The following ALKBH5 variants were observed in gnomAD, a reference collection of about 807,000 sequenced individuals.
The protein encoded by ALKBH5 is alkB homolog 5, RNA demethylase.
In ALKBH5, 2 loss-of-function variants were observed where a neutral mutation model predicts 32.1. That is an observed-to-expected ratio of 0.06 (90% CI 0.03 to 0.20). The LOEUF is 0.20. Among genes scored for constraint, ALKBH5 ranks in the 10% least tolerant of loss-of-function variants. The probability of loss-of-function intolerance (pLI) is 1.00; values close to 1 mark genes in which losing one functional copy is unlikely to be tolerated. For synonymous variants in ALKBH5, 300 were observed against 231.7 expected, an observed-to-expected ratio of 1.29 and a Z score of -2.68; for missense variants, 352 against 559.5, an observed-to-expected ratio of 0.63 and a Z score of 3.74.
Position 18,195,041 on chromosome 17 carries a change from T to C in ALKBH5, c.851+6T>C, listed in dbSNP as rs1280743978. ...GCAGTCATCATCCTCAGGAAGTAAGTGCCTTGATGTCTGACCTTCTGCCTC... is the reference window on the plus strand; with the variant it reads ...GCAGTCATCATCCTCAGGAAGTAAGCGCCTTGATGTCTGACCTTCTGCCTC... On this transcript the variant is annotated splice_donor_region_variant and intron_variant, in intron 2 of 3. Coordinates refer to ENST00000399138, the MANE Select transcript of ALKBH5 (RefSeq NM_017758.4). The C allele has an allele frequency of 1.2e-6, 2 of 1,612,314 alleles. No individual in the cohort carries two copies. Among genetic ancestry groups the C allele is most frequent in the Admixed American group, 1.7e-5 (1 of 59,974 alleles).
Position 18,208,294 on chromosome 17 carries a change from C to T in ALKBH5, c.1083C>T (p.Ser361=). 6.2e-7 allele frequency: 1 copy of T among 1,614,132 alleles called. No individual in the cohort carries two copies. Among genetic ancestry groups the T allele is most frequent in the African/African-American group, 1.3e-5 (1 of 75,038 alleles). The change falls in exon 4 of 4, where the codon AGC becomes AGT. Residue 361 remains serine (S), a synonymous_variant. Coordinates refer to ENST00000399138, the MANE Select transcript of ALKBH5 (RefSeq NM_017758.4). ...TGCCCACACACCGGCGGAGGGGTAG[C>T]TTCAGCTCTGAGAACTACTGGCGCA... ...VLLPTHRRRG[S]FSSENYWRKS...
In ALKBH5 at chr17:18,185,108, T is replaced by C. The variant is rs558960178; in HGVS notation, c.770+95T>C. 1.1e-5 allele frequency: 16 copies of C among 1,519,302 alleles called. No individual in the cohort carries two copies. In the East Asian group the frequency reaches 3.6e-4, roughly 34 times the overall value. 94.1% of individuals were successfully genotyped at this position (1,519,302 alleles called of 1,614,324 possible). A position where few individuals can be genotyped will look rare whatever the true frequency, so the allele number is the denominator to read the frequency against. On this transcript the variant is annotated intron_variant, in intron 1 of 3. Transcript: ENST00000399138. ...AGCAGCCCGTAGGAGTCTGCGTTTT[T>C]TACAGTTCTGACCAGTTCTTCTGTT...
At chr17:18,188,898 C>A (rs1243811746) in intron 1 of ALKBH5, among the ~76,000 whole-genome samples, 3 of 152,102 alleles carry the variant, frequency 2.0e-5, no homozygotes, top group African/African-American at 7.2e-5. Context: ...AAAACCCCAT[C>A]TCTACTAAAA....
intron 2 of ALKBH5, among the ~76,000 whole-genome samples, chr17:18,200,911 G>T (rs2047232661): frequency 6.6e-6 from 1 of 152,342 alleles, no homozygotes; most frequent in Non-Finnish European, 1.5e-5. Flanking sequence ...TGTTAAGCGC[G>T]CTGGGGAGCC....
At chr17:18,192,634 A>T (rs1490056884) in intron 1 of ALKBH5, among the ~76,000 whole-genome samples, 1 of 152,220 alleles carries the variant, frequency 6.6e-6, no homozygotes, top group Non-Finnish European at 1.5e-5. Context: ...ATTTGAACCC[A>T]GGTCTCTTCA....
chr17:18,185,690 C>T (rs1037335576), intron 1 of ALKBH5, among the ~76,000 whole-genome samples: 8 of 152,194 alleles, frequency 5.3e-5, no homozygotes, highest in Non-Finnish European at 8.8e-5. Context: ...CAGCTGGTCT[C>T]TTGACTGTTT....
intron 1 of ALKBH5, among the ~76,000 whole-genome samples, chr17:18,189,093 C>A (rs985709708): frequency 2.6e-5 from 4 of 151,400 alleles, no homozygotes; most frequent in Admixed American, 6.6e-5. Flanking sequence ...AAAAAAATTT[C>A]AAGGCCGGGC....
chr17:18,197,807 G>A (rs2047212924), intron 2 of ALKBH5, among the ~76,000 whole-genome samples: 1 of 152,208 alleles, frequency 6.6e-6, no homozygotes. Context: ...ACTTCAGTGG[G>A]CCCAGGAACC....
intron 2 of ALKBH5, among the ~76,000 whole-genome samples, chr17:18,203,777 G>A (rs190282083): frequency 6.6e-6 from 1 of 152,334 alleles, no homozygotes; most frequent in Admixed American, 6.5e-5. Flanking sequence ...CTGCAGCTTG[G>A]TGAATTTTTG....
chr17:18,185,302 T>G lies in ALKBH5; in HGVS notation c.770+289T>G, dbSNP rs528205911. ...TTCAGAAGGCTGTTCCCTTTGATTT[T>G]TTTTTTTCCCACCATCCATTTCTTA... On this transcript the variant is annotated intron_variant, in intron 1 of 3. Transcript: ENST00000399138. Among the ~76,000 whole-genome samples, 28 of 152,326 alleles carry G rather than the reference T, an allele frequency of 1.8e-4. No individual in the cohort carries two copies. In the South Asian group the frequency reaches 2.7e-3, roughly 15 times the overall value.
intron 2 of ALKBH5, among the ~76,000 whole-genome samples, chr17:18,204,870 G>A (rs546961881): frequency 2.0e-5 from 3 of 152,154 alleles, no homozygotes; most frequent in Admixed American, 2.0e-4. Context: ...GACCAGCCTA[G>A]GCAAAATGGT....
intron 1 of ALKBH5, 123 bp downstream of exon 1, chr17:18,185,136 T>G: frequency 6.8e-7 from 1 of 1,465,998 alleles, no homozygotes; most frequent in Non-Finnish European, 9.1e-7. Context: ...CTTCTGTTTG[T>G]AGATTGTAGG....
At chr17:18,207,883 TA>T (rs1385798100) in intron 3 of ALKBH5, among the ~76,000 whole-genome samples, 1 of 151,690 alleles carries the variant, frequency 6.6e-6, no homozygotes, top group African/African-American at 2.4e-5. Flanking sequence ...AGAAAGTGGG[TA>T]GAGCTGGGAA....
At chr17:18,208,078 C>A in intron 3 of ALKBH5, 141 bp from the exon 4 acceptor site, 1 of 853,486 alleles carries the variant, frequency 1.2e-6, no homozygotes, top group Non-Finnish European at 1.8e-6. Context: ...CCTCCGATAC[C>A]AGGGCCTCTG....
At chr17:18,196,554 A>G (rs573490353) in intron 2 of ALKBH5, among the ~76,000 whole-genome samples, 5 of 152,306 alleles carry the variant, frequency 3.3e-5, no homozygotes, top group African/African-American at 1.2e-4. Flanking sequence ...CTGGTTAGGT[A>G]TTGTATAGAA....
At position 18,184,207 on chromosome 17, in the gene ALKBH5, C is replaced by T; in HGVS notation, c.-37C>T. 6.8e-7 allele frequency: 1 copy of T among 1,463,664 alleles called. No individual in the cohort carries two copies. The allele number at this position is 1,463,664 out of a possible 1,614,324, so 90.7% of individuals were successfully genotyped here. ...TTAGAGCCATGCCCGGCTGCCCCGC[C>T]CGCCCCGGAGGACCCTAGAGCAGCG... On this transcript the variant is annotated 5_prime_UTR_variant, in exon 1 of 4. Transcript: ENST00000399138.
intron 1 of ALKBH5, among the ~76,000 whole-genome samples, chr17:18,193,507 A>G (rs1218686593): frequency 1.3e-5 from 2 of 151,824 alleles, no homozygotes; most frequent in Non-Finnish European, 2.9e-5. Context: ...AGATTGTGCC[A>G]CTGCACTCCA....
At chr17:18,187,519 GT>G (rs1453154099) in intron 1 of ALKBH5, among the ~76,000 whole-genome samples, 4 of 152,308 alleles carry the variant, frequency 2.6e-5, no homozygotes, top group African/African-American at 9.6e-5. Flanking sequence ...TGCCAATAGT[GT>G]TTTTTATGAC....
At chr17:18,195,132 G>A (rs2047197804) in intron 2 of ALKBH5, 97 bp downstream of exon 2, 2 of 944,448 alleles carry the variant, frequency 2.1e-6, no homozygotes, top group Non-Finnish European at 3.3e-6. Context: ...TGTATCAGTG[G>A]CATGGCAGAG....
Sources: allele counts gnomAD v4.1 joint callset (sites outside exome capture counted in the v4.1 genomes callset), GRCh38; gene constraint gnomAD v4.1.1; transcripts MANE v1.5; gene names NCBI Gene and HGNC (gene_info 2026-07-23, HGNC 2026-07-21).